PRR11: variants seen among roughly 807,000 people sequenced by gnomAD.
The protein encoded by PRR11 is proline-rich protein 11.
Under a neutral mutation model 45.6 loss-of-function variants are expected in PRR11, and 30 were observed. That is an observed-to-expected ratio of 0.66 (90% CI 0.49 to 0.89). The LOEUF (loss-of-function observed/expected upper bound fraction) is 0.89, where lower values mean the gene tolerates loss of function less well. Ranked by LOEUF, PRR11 falls within the 40% of genes least tolerant of loss-of-function variation. PRR11 has a pLI of 0.00. For missense variants in PRR11, 373 were observed against 424.8 expected, an observed-to-expected ratio of 0.88 and a Z score of 1.07; for synonymous variants, 128 against 153.5, an observed-to-expected ratio of 0.83 and a Z score of 1.23.
intron 4 of PRR11, among the ~76,000 whole-genome samples, chr17:59,188,621 CT>C (rs1411596527): frequency 6.6e-6 from 1 of 152,034 alleles, no homozygotes; most frequent in Non-Finnish European, 1.5e-5. Flanking sequence ...ATCAGTCCCC[CT>C]CCCCCAGGAA....
chr17:59,187,312 C>A (rs1204348635), intron 4 of PRR11, among the ~76,000 whole-genome samples: 1 of 151,954 alleles, frequency 6.6e-6, no homozygotes, highest in Non-Finnish European at 1.5e-5. Flanking sequence ...GGTGGCTTAC[C>A]CCTGTAATCC....
At chr17:59,179,579 T>A in intron 2 of PRR11, 1 of 1,479,872 alleles carries the variant, frequency 6.8e-7, no homozygotes. Flanking sequence ...ATTGGAAAAG[T>A]GTGGTTATTG....
At chr17:59,159,959 C>T (rs2046643452) in intron 1 of PRR11, among the ~76,000 whole-genome samples, 1 of 152,154 alleles carries the variant, frequency 6.6e-6, no homozygotes, top group African/African-American at 2.4e-5. Flanking sequence ...GCTTACCCAT[C>T]TCTCCCCACT....
chr17:59,192,051 G>A (rs1478233437), intron 4 of PRR11, among the ~76,000 whole-genome samples: 1 of 152,098 alleles, frequency 6.6e-6, no homozygotes, highest in Non-Finnish European at 1.5e-5. Flanking sequence ...TGGACAAAGG[G>A]CTTTACAAAT....
intron 4 of PRR11, among the ~76,000 whole-genome samples, chr17:59,192,618 C>T (rs1388261119): frequency 6.6e-6 from 1 of 152,184 alleles, no homozygotes. Context: ...TATGTCTTCA[C>T]ACAGTCTTCC....
In PRR11 at chr17:59,183,858, G is replaced by T. The variant is rs2046800790; in HGVS notation, c.129-1196G>T. 2.0e-5 allele frequency among the ~76,000 whole-genome samples: 3 copies of T among 152,112 alleles called. No individual in the cohort carries two copies. In the South Asian group the frequency reaches 6.2e-4, roughly 32 times the overall value. On this transcript the variant is annotated intron_variant, in intron 2 of 9. Transcript: ENST00000262293. ...CATGTTTGTAATCCCAGCACTTTGGGTGGCCAAGGGAGGAAGATTGCCTGA... is the reference window on the plus strand; with the variant it reads ...CATGTTTGTAATCCCAGCACTTTGGTTGGCCAAGGGAGGAAGATTGCCTGA...
intron 4 of PRR11, among the ~76,000 whole-genome samples, chr17:59,186,211 A>AGCTGAT (rs2046813067): frequency 4.0e-5 from 6 of 151,754 alleles, no homozygotes; most frequent in Admixed American, 4.0e-4. Context: ...TGATCCTCCT[A>AGCTGAT]CCTCAGCCTC....
At chr17:59,179,631 T>G in intron 2 of PRR11, 1 of 1,514,186 alleles carries the variant, frequency 6.6e-7, no homozygotes, top group South Asian at 1.1e-5. Flanking sequence ...GGAGGTGCTC[T>G]CTGGGGTGTC....
At chr17:59,175,921 A>T (rs2046742547) in intron 2 of PRR11, among the ~76,000 whole-genome samples, 1 of 152,156 alleles carries the variant, frequency 6.6e-6, no homozygotes, top group Non-Finnish European at 1.5e-5. Context: ...AATAAAAGAA[A>T]TTGAATACAT....
At chr17:59,169,669 A>G in intron 1 of PRR11, 79 bp from the exon 2 acceptor site, 1 of 1,295,378 alleles carries the variant, frequency 7.7e-7, no homozygotes, top group Non-Finnish European at 1.0e-6. Flanking sequence ...TAATTCATTA[A>G]CTATACACTT....
chr17:59,178,450 G>A (rs2046761497), intron 2 of PRR11: 1 of 505,244 alleles, frequency 2.0e-6, no homozygotes, highest in Non-Finnish European at 3.9e-6. Context: ...GCAGGAACAC[G>A]GTTCCGTGGA....
In PRR11 at chr17:59,203,229, T is replaced by G. The variant is rs1599711025; in HGVS notation, c.*1598T>G. On this transcript the variant is annotated 3_prime_UTR_variant, in exon 10 of 10. Transcript: ENST00000262293. ...AGATTTTTGTTTGTTTGTTTGTTTG[T>G]TTTGTTTTGTTTTGAGATGAAGTCT... is the stretch of plus-strand genomic sequence containing the variant. Among the ~76,000 whole-genome samples, 2 of 151,920 alleles carry G rather than the reference T, an allele frequency of 1.3e-5. No homozygotes were observed. Among genetic ancestry groups the G allele is most frequent in the Non-Finnish European group, 2.9e-5 (2 of 67,910 alleles).
rs768416869 is a variant in PRR11 at position 59,169,858 on chromosome 17, C to T, written c.106C>T (p.Pro36Ser). ...HFQSKLITPP[P>S]PPPSPERVGI... ...TCAGTCCAAGCTAATTACACCTCCTCCTCCACCACCCTCACCAGAAAGGTA... is the reference window on the plus strand; with the variant it reads ...TCAGTCCAAGCTAATTACACCTCCTTCTCCACCACCCTCACCAGAAAGGTA... The change falls in exon 2 of 10, where the codon CCT (proline) becomes TCT (serine). Residue 36 changes from proline to serine, a missense_variant. Coordinates refer to ENST00000262293, the MANE Select transcript of PRR11 (RefSeq NM_018304.4). The T allele has an allele frequency of 1.2e-6, 2 of 1,604,724 alleles. No individual in the cohort carries two copies. The highest frequency in any genetic ancestry group is 1.7e-5 in the Admixed American group (1 of 57,396).
chr17:59,185,195 C>T lies in PRR11; in HGVS notation c.270C>T (p.Cys90=), dbSNP rs1299918563. The T allele has an allele frequency of 6.2e-7, 1 of 1,613,840 alleles. No individual in the cohort carries two copies. Among genetic ancestry groups the T allele is most frequent in the Admixed American group, 1.7e-5 (1 of 59,934 alleles). ...CTATATACAGCTGGTGCCAGAACTG[C>T]ATAACCCAGGTATGGATGTGACATC... ...VWSIYSWCQN[C]ITQSLEVLKD... The change falls in exon 3 of 10, where the codon TGC becomes TGT. Residue 90 remains cysteine, a synonymous_variant. Transcript: ENST00000262293.
intron 4 of PRR11, among the ~76,000 whole-genome samples, chr17:59,192,722 C>T (rs146476431): frequency 8.4e-4 from 128 of 152,182 alleles, no homozygotes; most frequent in African/African-American, 2.7e-3. Flanking sequence ...CCCACCCTAA[C>T]GGCCTCATTT....
At chr17:59,193,881 T>C in intron 5 of PRR11, 147 bp downstream of exon 5, 1 of 1,010,342 alleles carries the variant, frequency 9.9e-7, no homozygotes, top group Non-Finnish European at 1.4e-6. Context: ...TCTTAATTAT[T>C]GTGTTTTTAA....
Position 59,169,741 on chromosome 17 carries a change from T to C in PRR11, c.-5-7T>C. 1 of 1,572,666 alleles carries C rather than the reference T, an allele frequency of 6.4e-7. No individual in the cohort carries two copies. Among genetic ancestry groups the C allele is most frequent in the Non-Finnish European group, 8.6e-7 (1 of 1,168,316 alleles). ...TCAATTAAAAATGTAAAAAAATTTC[T>C]CTGCAGAAATCATGCCCAAGTTCAA... On this transcript the variant is annotated splice_polypyrimidine_tract_variant and splice_region_variant and intron_variant, in intron 1 of 9. Transcript: ENST00000262293.
chr17:59,173,341 A>G (rs6503899), intron 2 of PRR11, among the ~76,000 whole-genome samples: 151,822 of 152,280 alleles, frequency 1, 75,694 homozygotes, highest in Middle Eastern at 1. Flanking sequence ...AGTGGCAACC[A>G]GTGGGGGCCA....
chr17:59,201,420 C>G (rs536479444), intron 9 of PRR11, 143 bp from the exon 10 acceptor site: 3 of 761,050 alleles, frequency 3.9e-6, no homozygotes, highest in Admixed American at 4.7e-5. Flanking sequence ...CTTCTGATTG[C>G]ATCAGGGAAA....
Sources: allele counts gnomAD v4.1 joint callset (sites outside exome capture counted in the v4.1 genomes callset), GRCh38; gene constraint gnomAD v4.1.1; transcripts MANE v1.5; gene names NCBI Gene and HGNC (gene_info 2026-07-23, HGNC 2026-07-21).